The following MRAP2 variants were observed in gnomAD, a reference collection of about 807,000 sequenced individuals.
MRAP2 encodes melanocortin 2 receptor accessory protein 2, also known as melanocortin-2 receptor accessory protein 2.
MRAP2 carries 20 observed loss-of-function variants against 17.4 expected under a neutral mutation model. The ratio of observed to expected loss-of-function variants is 1.15; its 90% CI spans 0.81 to 1.67. The LOEUF is 1.67. Among genes scored for constraint, MRAP2 ranks in the 40% most tolerant of loss-of-function variants. The pLI, the probability that MRAP2 is intolerant of heterozygous loss-of-function variation, is 0.00. For synonymous variants in MRAP2, 96 were observed against 88.4 expected (o/e 1.09, Z -0.48); for missense variants, 238 against 240.0 (o/e 0.99, Z 0.05).
At chr6:84,048,786 G>A (rs1382111667) in intron 1 of MRAP2, among the ~76,000 whole-genome samples, 2 of 152,174 alleles carry the variant, frequency 1.3e-5, no homozygotes, top group African/African-American at 2.4e-5. Flanking sequence ...CCCAGACCAC[G>A]TAAAACATGT....
the MRAP2 span, chr6:84,125,318 T>C: frequency 3.2e-6 from 5 of 1,550,008 alleles, no homozygotes; most frequent in Non-Finnish European, 4.4e-6. Flanking sequence ...TAGTTCATAG[T>C]GGTGGGTGAG....
upstream of MRAP2, among the ~76,000 whole-genome samples, chr6:84,033,321 C>A (rs907907116): frequency 6.6e-6 from 1 of 152,196 alleles, no homozygotes; most frequent in Admixed American, 6.5e-5. Flanking sequence ...GAACGTCTGA[C>A]TGCCCTTTGA....
intron 2 of MRAP2, among the ~76,000 whole-genome samples, chr6:84,059,177 G>A (rs2099492432): frequency 6.6e-6 from 1 of 152,156 alleles, no homozygotes; most frequent in African/African-American, 2.4e-5. Flanking sequence ...TAAAGGAATA[G>A]CCTCTTAATT....
At chr6:84,137,181 T>A in the MRAP2 span, among the ~76,000 whole-genome samples, 1 of 152,224 alleles carries the variant, frequency 6.6e-6, no homozygotes, top group East Asian at 1.9e-4. Flanking sequence ...TGAACTGCTG[T>A]GAGAATGACT....
At chr6:84,135,646 T>G in the MRAP2 span, among the ~76,000 whole-genome samples, 25 of 152,172 alleles carry the variant, frequency 1.6e-4, no homozygotes, top group Non-Finnish European at 2.9e-4. Flanking sequence ...GTGAATCACT[T>G]GAGGTCAGGG....
the MRAP2 span, among the ~76,000 whole-genome samples, chr6:84,097,940 A>G: frequency 2.6e-5 from 4 of 152,200 alleles, no homozygotes; most frequent in Admixed American, 2.6e-4. Context: ...TCAGGACTGA[A>G]TTGCATTTTT....
At chr6:84,065,714 T>C (rs538815609) in intron 3 of MRAP2, among the ~76,000 whole-genome samples, 1 of 152,316 alleles carries the variant, frequency 6.6e-6, no homozygotes, top group South Asian at 2.1e-4. Context: ...ATGGTTAATT[T>C]TATGTGTTAA....
upstream of MRAP2, chr6:84,033,740 C>A (rs1451172934): frequency 1.0e-6 from 1 of 985,370 alleles, no homozygotes; most frequent in Non-Finnish European, 1.2e-6. Flanking sequence ...GTCGGGAGCG[C>A]GCGTCTCCGC....
At chr6:84,095,198 C>T (rs553175519), downstream of MRAP2, among the ~76,000 whole-genome samples, 26 of 152,258 alleles carry the variant, frequency 1.7e-4, no homozygotes, top group African/African-American at 5.8e-4. Flanking sequence ...GGGTTGCAAG[C>T]AAACCTCCCT....
At chr6:84,097,687 T>A in the MRAP2 span, among the ~76,000 whole-genome samples, 2 of 152,254 alleles carry the variant, frequency 1.3e-5, no homozygotes, top group Non-Finnish European at 1.5e-5. Context: ...CTAACTCTAA[T>A]GCCTAAATAA....
At chr6:84,092,706 A>C (rs2099501966), downstream of MRAP2, among the ~76,000 whole-genome samples, 1 of 152,206 alleles carries the variant, frequency 6.6e-6, no homozygotes. Context: ...TAAGTTCCAC[A>C]GTAGGTCCTG....
intron 1 of MRAP2, among the ~76,000 whole-genome samples, chr6:84,038,803 G>T (rs1278485962): frequency 6.6e-6 from 1 of 152,196 alleles, no homozygotes; most frequent in Non-Finnish European, 1.5e-5. Flanking sequence ...CCTCTTTTGG[G>T]ACTTTGAAGT....
the MRAP2 span, among the ~76,000 whole-genome samples, chr6:84,144,538 T>A: frequency 6.6e-6 from 1 of 152,112 alleles, no homozygotes; most frequent in Admixed American, 6.6e-5. Flanking sequence ...TAAGCAACTA[T>A]AAATACAAAG....
chr6:84,062,073 G>C lies in MRAP2; in HGVS notation c.128-820G>C, dbSNP rs987405625. On this transcript the variant is annotated intron_variant, in intron 2 of 3. Transcript: ENST00000257776. The stretch of plus-strand genomic sequence containing the variant: ...AATTATCCATGGTGAACGTAAGTGA[G>C]AATGCAAAGTTGCTACCTAATTGAG... The C allele has an allele frequency of 4.1e-6, 4 of 985,348 alleles. No individual in the cohort carries two copies. In the African/African-American group the frequency reaches 7.0e-5, roughly 17 times the overall value. 61.0% of individuals were successfully genotyped at this position (985,348 alleles called of 1,614,324 possible). A position where few individuals can be genotyped will look rare whatever the true frequency, so the allele number is the denominator to read the frequency against.
intron 1 of MRAP2, among the ~76,000 whole-genome samples, chr6:84,036,508 C>T (rs1357474923): frequency 1.3e-5 from 2 of 152,072 alleles, no homozygotes; most frequent in South Asian, 2.1e-4. Context: ...GAGTTTCTTC[C>T]TTCTGGTGGG....
chr6:84,063,745 A>G (rs1429909778), intron 3 of MRAP2, among the ~76,000 whole-genome samples: 1 of 152,190 alleles, frequency 6.6e-6, no homozygotes. Flanking sequence ...CCAGCAGGCA[A>G]CAGTAATTAA....
In MRAP2 at chr6:84,090,664, C is replaced by G. The variant is rs1401570937; in HGVS notation, c.*1183C>G. On this transcript the variant is annotated 3_prime_UTR_variant, in exon 4 of 4. Transcript: ENST00000257776. Reference sequence around the variant, plus strand: ...TGGTCAGTGGGTTGTAAATTCCCCACTAGCAGATATTCAGGGTGGCCTGAG... The same window carrying G: ...TGGTCAGTGGGTTGTAAATTCCCCAGTAGCAGATATTCAGGGTGGCCTGAG... 6.6e-6 allele frequency: 1 copy of G among 152,160 alleles called. No homozygotes were observed. The highest frequency in any genetic ancestry group is 2.4e-5 in the African/African-American group (1 of 41,438). The allele number at this position is 152,160 out of a possible 1,614,324, so 9.4% of individuals were successfully genotyped here. A position where few individuals can be genotyped will look rare whatever the true frequency, so the allele number is the denominator to read the frequency against.
At chr6:84,116,004 G>A in the MRAP2 span, among the ~76,000 whole-genome samples, 3 of 152,200 alleles carry the variant, frequency 2.0e-5, no homozygotes, top group Non-Finnish European at 4.4e-5. Context: ...GGGAGCTGCA[G>A]ACCAGAGCTG....
the MRAP2 span, among the ~76,000 whole-genome samples, chr6:84,104,990 C>A: frequency 3.3e-5 from 5 of 152,232 alleles, no homozygotes; most frequent in Admixed American, 3.3e-4. Flanking sequence ...TAAGAGTCAC[C>A]TTTGCTCCAA....
Sources: gnomAD v4.1 joint callset for allele counts (sites outside exome capture counted in the v4.1 genomes callset) on GRCh38, gnomAD v4.1.1 for gene constraint, MANE v1.5 for transcripts, NCBI Gene and HGNC (gene_info 2026-07-23, HGNC 2026-07-21) for gene names.